CAMK2G: variants seen among roughly 807,000 people sequenced by gnomAD.
The protein encoded by CAMK2G is calcium/calmodulin-dependent protein kinase type II subunit gamma.
Under a neutral mutation model 88.7 loss-of-function variants are expected in CAMK2G, and 23 were observed. That is an observed-to-expected ratio of 0.26 (90% CI 0.19 to 0.37). The LOEUF is 0.37. Ranked by LOEUF, CAMK2G falls within the 10% of genes least tolerant of loss-of-function variation. The pLI is 1.00. For missense variants in CAMK2G, 476 were observed against 780.8 expected (o/e 0.61, Z 4.65); for synonymous variants, 263 against 294.8 (o/e 0.89, Z 1.11).
intron 2 of CAMK2G, among the ~76,000 whole-genome samples, chr10:73,863,862 G>T (rs1394783146): frequency 6.6e-6 from 1 of 152,184 alleles, no homozygotes; most frequent in Non-Finnish European, 1.5e-5. Context: ...TGAGCCCTGT[G>T]TTCCCGGCAA....
In CAMK2G at chr10:73,818,471, C is replaced by G. The variant is rs3888128; in HGVS notation, c.1364-917G>C. On this transcript the variant is annotated intron_variant, in intron 19 of 22. Transcript: ENST00000423381. The stretch of plus-strand genomic sequence containing the variant: ...GGTTGAGCTTGGGCTCATCCTAACC[C>G]GAGCCCTGGGCGGGGCCAGGCCACA... 3 of 351,094 alleles carry G rather than the reference C, an allele frequency of 8.5e-6. No homozygotes were observed. In the Admixed American group the frequency reaches 1.1e-4, roughly 13 times the overall value. 21.7% of individuals were successfully genotyped at this position (351,094 alleles called of 1,614,324 possible).
chr10:73,852,900 T>G (rs891095932), intron 4 of CAMK2G: 2 of 417,034 alleles, frequency 4.8e-6, no homozygotes, highest in African/African-American at 2.1e-5. Flanking sequence ...TTTTATTTCT[T>G]CACTAAGGAC....
In CAMK2G at chr10:73,841,374, G is replaced by A. The variant is rs568292721; in HGVS notation, c.946+795C>T. 9.2e-5 allele frequency among the ~76,000 whole-genome samples: 14 copies of A among 152,248 alleles called. No homozygotes were observed. The East Asian group carries it at 2.5e-3, about 27-fold the overall frequency. On this transcript the variant is annotated intron_variant, in intron 12 of 22. Transcript: ENST00000423381. ...GGGTTAGAGGGAGGGAGGACCGGGG[G>A]AGATGGCAAGCTGGGCAGAGCCCTC...
At chr10:73,814,840 G>A in intron 22 of CAMK2G, 163 bp downstream of exon 22, 1 of 602,328 alleles carries the variant, frequency 1.7e-6, no homozygotes, top group Non-Finnish European at 3.0e-6. Context: ...TAGTCTGTCT[G>A]ATTTCCAAGC....
chr10:73,873,725 G>A (rs1256383984), intron 1 of CAMK2G, among the ~76,000 whole-genome samples: 1 of 139,388 alleles, frequency 7.2e-6, no homozygotes, highest in Non-Finnish European at 1.6e-5. Context: ...GGAAACGTCT[G>A]GGGGGGCGGG....
At position 73,860,854 on chromosome 10, in the gene CAMK2G, GA is replaced by G; in HGVS notation, c.195del (p.Arg66AspfsTer3). The G allele has an allele frequency of 6.2e-7, 1 of 1,613,600 alleles. No homozygotes were observed. Among genetic ancestry groups the G allele is most frequent in the Non-Finnish European group, 8.5e-7 (1 of 1,179,572 alleles). ...CCGATGTTTGGATGTTTCAGAAGTC[GA>G]CATATCCGAGCCTCACGTTCTAGTT... ...HQKLEREARI[C>X]RLLKHPNIVR... On this transcript the variant is annotated frameshift_variant, in exon 3 of 23. Coordinates refer to ENST00000423381, the MANE Select transcript of CAMK2G (RefSeq NM_001367534.1). LOFTEE classifies it high-confidence loss of function.
At chr10:73,857,597 A>G (rs1357420575) in intron 3 of CAMK2G, among the ~76,000 whole-genome samples, 1 of 152,204 alleles carries the variant, frequency 6.6e-6, no homozygotes, top group Non-Finnish European at 1.5e-5. Flanking sequence ...TAAGCACATA[A>G]AAGTTTGAGA....
chr10:73,849,912 G>A (rs953478448), intron 5 of CAMK2G, among the ~76,000 whole-genome samples: 1 of 152,202 alleles, frequency 6.6e-6, no homozygotes, highest in Non-Finnish European at 1.5e-5. Context: ...ATACCTTTAA[G>A]AAACAATGTA....
At chr10:73,834,617 C>T (rs1467376140) in intron 14 of CAMK2G, among the ~76,000 whole-genome samples, 1 of 152,234 alleles carries the variant, frequency 6.6e-6, no homozygotes, top group Non-Finnish European at 1.5e-5. Flanking sequence ...TTTCTTAACA[C>T]ATAACCCCAA....
rs1203669391 is a variant in CAMK2G at position 73,842,338 on chromosome 10, T to C, written c.903+120A>G. The C allele has an allele frequency of 7.0e-6, 8 of 1,141,056 alleles. No individual in the cohort carries two copies. Among genetic ancestry groups the C allele is most frequent in the South Asian group, 1.2e-5 (1 of 81,274 alleles). 70.7% of individuals were successfully genotyped at this position (1,141,056 alleles called of 1,614,324 possible). A position where few individuals can be genotyped will look rare whatever the true frequency, so the allele number is the denominator to read the frequency against. On this transcript the variant is annotated intron_variant, in intron 11 of 22. Coordinates refer to ENST00000423381, the MANE Select transcript of CAMK2G (RefSeq NM_001367534.1). The surrounding 1 kb of genome is among the most constrained non-coding windows in gnomAD (Gnocchi z 4.6). Reference sequence around the variant, plus strand: ...CCTCTGGGCCCCCTCCCCTGTGACATGTACAACCTTCAGAGCCCAGCTCCA... The same window carrying C: ...CCTCTGGGCCCCCTCCCCTGTGACACGTACAACCTTCAGAGCCCAGCTCCA...
chr10:73,840,126 G>A (rs1056097745), intron 12 of CAMK2G, among the ~76,000 whole-genome samples: 2 of 152,076 alleles, frequency 1.3e-5, no homozygotes, highest in African/African-American at 4.8e-5. Flanking sequence ...TAAGTTTACT[G>A]GTGGGCCCCA....
At chr10:73,852,780 T>C in intron 4 of CAMK2G, 1 of 244,424 alleles carries the variant, frequency 4.1e-6, no homozygotes, top group South Asian at 6.7e-5. Context: ...TTTAAGACAT[T>C]AAACCACAAC....
At chr10:73,849,929 A>C (rs1348195285) in intron 5 of CAMK2G, among the ~76,000 whole-genome samples, 1 of 152,236 alleles carries the variant, frequency 6.6e-6, no homozygotes, top group Admixed American at 6.5e-5. Context: ...TGTACTTAAG[A>C]GCTTCCAAAC....
chr10:73,823,932 C>T (rs2090032724), intron 17 of CAMK2G, 108 bp downstream of exon 17: 1 of 835,978 alleles, frequency 1.2e-6, no homozygotes, highest in East Asian at 2.4e-5. Context: ...TTCAGCTGAG[C>T]CTCTGCAAAC....
At chr10:73,830,057 T>C (rs948633202) in intron 14 of CAMK2G, among the ~76,000 whole-genome samples, 3 of 152,222 alleles carry the variant, frequency 2.0e-5, no homozygotes, top group African/African-American at 2.4e-5. Flanking sequence ...AAGCAGATTT[T>C]TGACTAATGG....
In CAMK2G at chr10:73,824,148, GC is replaced by G. The variant is rs566011468; in HGVS notation, c.1156-65del. On this transcript the variant is annotated intron_variant, in intron 16 of 22. Coordinates refer to ENST00000423381, the MANE Select transcript of CAMK2G (RefSeq NM_001367534.1). ...ACAGACTATGGCTCTTCCCTGAGGA[GC>G]CCCACCTGCACCCCAGGACCCCCGC... The G allele has an allele frequency of 1.3e-4, 168 of 1,259,306 alleles. No individual in the cohort carries two copies. In the Admixed American group the frequency reaches 1.5e-3, roughly 11 times the overall value. The allele number at this position is 1,259,306 out of a possible 1,614,324, so 78.0% of individuals were successfully genotyped here.
At chr10:73,816,419 G>A (rs756107077) in intron 21 of CAMK2G, 16 of 1,055,946 alleles carry the variant, frequency 1.5e-5, no homozygotes, top group East Asian at 8.4e-5. Flanking sequence ...AATCTCAAAG[G>A]GTTTCCTTCC....
In CAMK2G at chr10:73,842,346, C is replaced by G. The variant is rs1278846406; in HGVS notation, c.903+112G>C. 2.6e-6 allele frequency: 3 copies of G among 1,153,078 alleles called. No individual in the cohort carries two copies. Among genetic ancestry groups the G allele is most frequent in the Non-Finnish European group, 3.9e-6 (3 of 761,866 alleles). 71.4% of individuals were successfully genotyped at this position (1,153,078 alleles called of 1,614,324 possible). A position where few individuals can be genotyped will look rare whatever the true frequency, so the allele number is the denominator to read the frequency against. ...CCCCCTCCCCTGTGACATGTACAAC[C>G]TTCAGAGCCCAGCTCCAGCCAGGAG... On this transcript the variant is annotated intron_variant, in intron 11 of 22. Coordinates refer to ENST00000423381, the MANE Select transcript of CAMK2G (RefSeq NM_001367534.1). This position sits in a 1 kb window ranked among gnomAD's most constrained non-coding sequence, Gnocchi z 4.6.
At chr10:73,824,264 T>G (rs1321133818) in intron 16 of CAMK2G, among the ~76,000 whole-genome samples, 180 bp from the exon 17 acceptor site, 1 of 152,168 alleles carries the variant, frequency 6.6e-6, no homozygotes, top group African/African-American at 2.4e-5. Context: ...GCAGCTGGGA[T>G]AGCCCTGGAT....
Sources: gnomAD v4.1 joint callset for allele counts (sites outside exome capture counted in the v4.1 genomes callset) on GRCh38, gnomAD v4.1.1 for gene constraint, Gnocchi (gnomAD v3.1) non-coding constraint, MANE v1.5 for transcripts, NCBI Gene and HGNC (gene_info 2026-07-23, HGNC 2026-07-21) for gene names.